Variants in BCL2L11 observed in about 807,000 individuals in gnomAD.
The protein encoded by BCL2L11 is bcl-2-like protein 11.
In BCL2L11, 15 loss-of-function variants were observed where a neutral mutation model predicts 20.6. The ratio of observed to expected loss-of-function variants is 0.73; its 90% confidence interval spans 0.49 to 1.12. The LOEUF (loss-of-function observed/expected upper bound fraction) is 1.12, where lower values mean the gene tolerates loss of function less well. BCL2L11 is among the 50% of genes most tolerant of loss of function. The pLI, the probability that BCL2L11 is intolerant of heterozygous loss-of-function variation, is 0.00. For synonymous variants in BCL2L11, 108 were observed against 92.8 expected, an observed-to-expected ratio of 1.16 and a Z score of -0.94; for missense variants, 292 against 260.9, an observed-to-expected ratio of 1.12 and a Z score of -0.82.
Position 111,121,045 on chromosome 2 carries a change from G to A in BCL2L11, c.-157G>A. On this transcript the variant is annotated 5_prime_UTR_variant, in exon 1 of 4. Coordinates refer to ENST00000393256, the MANE Select transcript of BCL2L11 (RefSeq NM_138621.5). ...CCACTACCACCACTTGATTCTTGCA[G>A]CCACCCTGCGAACCCTGCCACACTG... is the stretch of plus-strand genomic sequence containing the variant. The A allele has an allele frequency of 2.7e-6, 1 of 367,746 alleles. No individual in the cohort carries two copies. Among genetic ancestry groups the A allele is most frequent in the Non-Finnish European group, 4.8e-6 (1 of 206,402 alleles). 22.8% of individuals were successfully genotyped at this position (367,746 alleles called of 1,614,324 possible). A position where few individuals can be genotyped will look rare whatever the true frequency, so the allele number is the denominator to read the frequency against.
intron 2 of BCL2L11, among the ~76,000 whole-genome samples, chr2:111,141,218 T>C (rs1319805323): frequency 6.6e-6 from 1 of 152,092 alleles, no homozygotes; most frequent in Non-Finnish European, 1.5e-5. Flanking sequence ...TCCACACGTA[T>C]GTTTATTGCG....
chr2:111,141,184 C>A (rs917572047), intron 2 of BCL2L11, among the ~76,000 whole-genome samples: 2 of 152,170 alleles, frequency 1.3e-5, no homozygotes, highest in African/African-American at 4.8e-5. Flanking sequence ...CTATGGGGAA[C>A]TGGCCTACAT....
intron 2 of BCL2L11, among the ~76,000 whole-genome samples, chr2:111,130,641 T>C (rs1220818517): frequency 6.6e-6 from 1 of 152,254 alleles, no homozygotes. Context: ...CTAGTGTTTA[T>C]GTTGACTAGG....
chr2:111,141,333 C>T (rs1362990135), intron 2 of BCL2L11, among the ~76,000 whole-genome samples: 158 of 135,504 alleles, frequency 1.2e-3, no homozygotes, highest in South Asian at 2.4e-3. Flanking sequence ...ACTATGCAGC[C>T]ATAAAAAATG....
intron 2 of BCL2L11, among the ~76,000 whole-genome samples, chr2:111,127,138 A>G (rs2072799425): frequency 6.6e-6 from 1 of 152,202 alleles, no homozygotes; most frequent in South Asian, 2.1e-4. Flanking sequence ...GATTAACTTG[A>G]CAAATGATAC....
chr2:111,140,500 C>G (rs935710828), intron 2 of BCL2L11, among the ~76,000 whole-genome samples: 2 of 152,132 alleles, frequency 1.3e-5, no homozygotes, highest in Non-Finnish European at 2.9e-5. Flanking sequence ...TGGATGGAAT[C>G]TGATTTTCTC....
rs572134642 is a variant in BCL2L11 at position 111,149,560 on chromosome 2, G to A, written c.395-484G>A. On this transcript the variant is annotated intron_variant, in intron 2 of 3. Transcript: ENST00000393256. Reference sequence around the variant, plus strand: ...ACTTATTCAGGTTTCTCAGGGTTTCGCTTATTTTGCTTTGAATGGGACAGC... The same window carrying A: ...ACTTATTCAGGTTTCTCAGGGTTTCACTTATTTTGCTTTGAATGGGACAGC... 1.7e-4 allele frequency among the ~76,000 whole-genome samples: 26 copies of A among 152,174 alleles called. No individual in the cohort carries two copies. In the South Asian group the frequency reaches 2.3e-3, roughly 13 times the overall value.
Position 111,120,985 on chromosome 2 carries a change from C to CCGCT in BCL2L11, c.-217_-216insCGCT, listed in dbSNP as rs1558996512. On this transcript the variant is annotated 5_prime_UTR_variant, in exon 1 of 4. Transcript: ENST00000393256. ...CGTCCAGCGCCGCTGCCGCTGCCGC[C>CCGCT]GCCGCCGCCGCCGCCGCCGCCGCCG... is the stretch of plus-strand genomic sequence containing the variant. 67 of 53,568 alleles carry CCGCT rather than the reference C, an allele frequency of 1.3e-3. No individual in the cohort carries two copies. The highest frequency in any genetic ancestry group is 3.0e-3 in the African/African-American group (16 of 5,382). The allele number at this position is 53,568 out of a possible 1,614,324, so 3.3% of individuals were successfully genotyped here.
chr2:111,126,307 A>G (rs2072598632), intron 2 of BCL2L11, among the ~76,000 whole-genome samples: 1 of 152,224 alleles, frequency 6.6e-6, no homozygotes, highest in Non-Finnish European at 1.5e-5. Context: ...TTCAAAGATC[A>G]TAATCTAAAT....
rs1461614881 is a variant in BCL2L11 at position 111,165,630 on chromosome 2, A to G, written c.*1399A>G. 1 of 152,202 alleles carries G rather than the reference A, an allele frequency of 6.6e-6. No homozygotes were observed. The highest frequency in any genetic ancestry group is 1.5e-5 in the Non-Finnish European group (1 of 68,070). 9.4% of individuals were successfully genotyped at this position (152,202 alleles called of 1,614,324 possible). On this transcript the variant is annotated 3_prime_UTR_variant, in exon 4 of 4. Coordinates refer to ENST00000393256, the MANE Select transcript of BCL2L11 (RefSeq NM_138621.5). ...TGAGTGCAGTGGAAGGAAGCCACACACTGGTCAGTCATTTCAGAGGCAGCA... is the reference window on the plus strand; with the variant it reads ...TGAGTGCAGTGGAAGGAAGCCACACGCTGGTCAGTCATTTCAGAGGCAGCA...
intron 2 of BCL2L11, 138 bp downstream of exon 2, chr2:111,124,277 C>T (rs2150149781): frequency 1.1e-6 from 1 of 901,718 alleles, no homozygotes; most frequent in Non-Finnish European, 1.6e-6. Flanking sequence ...GAGGATGTGT[C>T]AAACTATCAA....
rs762820125 is a variant in BCL2L11, at chr2:111,123,821, C to A, written c.76C>A (p.Pro26Thr). 6.5e-7 allele frequency: 1 copy of A among 1,527,182 alleles called. No individual in the cohort carries two copies. Among genetic ancestry groups the A allele is most frequent in the Non-Finnish European group, 8.8e-7 (1 of 1,139,630 alleles). The allele number at this position is 1,527,182 out of a possible 1,614,324, so 94.6% of individuals were successfully genotyped here. The change falls in exon 2 of 4, where the codon CCC (proline) becomes ACC (threonine). Residue 26 changes from proline to threonine, a missense_variant. By Grantham distance (38) the Pro-to-Thr change is conservative. Transcript: ENST00000393256. ...GRQLQPAERP[P>T]QLRPGAPTSL... ...ACAATTGCAGCCTGCGGAGAGGCCT[C>A]CCCAGCTCAGACCTGGGGCCCCTAC...
At position 111,143,850 on chromosome 2, in the gene BCL2L11, G is replaced by T. The variant is rs184919051; in HGVS notation, c.395-6194G>T. Among the ~76,000 whole-genome samples, 353 of 152,324 alleles carry T rather than the reference G, an allele frequency of 2.3e-3. 2 individuals carry two copies. Among genetic ancestry groups the T allele is most frequent in the African/African-American group, 8.2e-3 (340 of 41,566 alleles). The stretch of plus-strand genomic sequence containing the variant: ...AATTAGTTTTTCTGATGTTGAATGA[G>T]AAATGAGTAAAAAGGCATAACACAT... On this transcript the variant is annotated intron_variant, in intron 2 of 3. Transcript: ENST00000393256.
At chr2:111,130,549 T>C (rs962287235) in intron 2 of BCL2L11, among the ~76,000 whole-genome samples, 2 of 152,248 alleles carry the variant, frequency 1.3e-5, no homozygotes, top group Non-Finnish European at 2.9e-5. Flanking sequence ...AGTTATGTGA[T>C]CTGCAAATAG....
At chr2:111,122,904 T>C (rs1339821396) in intron 1 of BCL2L11, 1 of 985,098 alleles carries the variant, frequency 1.0e-6, no homozygotes, top group Non-Finnish European at 1.2e-6. Flanking sequence ...GACGCTGCGC[T>C]CTGAAGGGAA....
Position 111,152,255 on chromosome 2 carries a change from GTAGACAC to G in BCL2L11, c.498+2109_498+2115del, listed in dbSNP as rs1239431140. 2.6e-5 allele frequency among the ~76,000 whole-genome samples: 4 copies of G among 152,210 alleles called. No homozygotes were observed. The East Asian group carries it at 7.7e-4, about 29-fold the overall frequency. ...CTCCTTCCCGTCTGGAAGGGGCTTT[GTAGACAC>G]CCTCGGGGCAAGATCTGCCTTAGAT... is the stretch of plus-strand genomic sequence containing the variant. On this transcript the variant is annotated intron_variant, in intron 3 of 3. Transcript: ENST00000393256.
chr2:111,141,585 A>G (rs571702826), intron 2 of BCL2L11, among the ~76,000 whole-genome samples: 1 of 151,880 alleles, frequency 6.6e-6, no homozygotes, highest in African/African-American at 2.4e-5. Context: ...TAGTGGGTGC[A>G]GCACACCAGC....
chr2:111,132,471 A>T (rs2074127116), intron 2 of BCL2L11, among the ~76,000 whole-genome samples: 1 of 152,204 alleles, frequency 6.6e-6, no homozygotes. Flanking sequence ...TCTTTGGAGC[A>T]CATTTTTTTC....
intron 2 of BCL2L11, among the ~76,000 whole-genome samples, chr2:111,135,298 CTA>C (rs1020916450): frequency 6.6e-6 from 1 of 152,088 alleles, no homozygotes; most frequent in African/African-American, 2.4e-5. Context: ...CTGCCTGTTT[CTA>C]CTAGGTAAGT....
Sources: allele counts gnomAD v4.1 joint callset (sites outside exome capture counted in the v4.1 genomes callset), GRCh38; gene constraint gnomAD v4.1.1; transcripts MANE v1.5; gene names NCBI Gene and HGNC (gene_info 2026-07-23, HGNC 2026-07-21).